The following TCF4 variants were observed in gnomAD, a reference collection of about 807,000 sequenced individuals.
TCF4 encodes SL3-3 enhancer factor 2.
A neutral mutation model predicts 82.1 loss-of-function variants in TCF4; 3 were observed. The ratio of observed to expected loss-of-function variants is 0.04; its 90% confidence interval spans 0.02 to 0.09. The LOEUF is 0.09. Ranked by LOEUF, TCF4 falls within the 10% of genes least tolerant of loss-of-function variation. TCF4 has a pLI of 1.00. For missense variants in TCF4, 518 were observed against 852.7 expected (o/e 0.61, Z 4.89); for synonymous variants, 276 against 309.6 (o/e 0.89, Z 1.14).
intron 8 of TCF4, among the ~76,000 whole-genome samples, chr18:55,296,927 C>T (rs1320441990): frequency 6.6e-6 from 1 of 152,100 alleles, no homozygotes; most frequent in Non-Finnish European, 1.5e-5. Context: ...CCAAGCCATG[C>T]TTTGTGTTTG....
At position 55,316,023 on chromosome 18, in the gene TCF4, T is replaced by C. The variant is rs78678983; in HGVS notation, c.549+34336A>G. Among the ~76,000 whole-genome samples, 926 of 152,234 alleles carry C rather than the reference T, an allele frequency of 6.1e-3. 11 individuals are homozygous for C. The highest frequency in any genetic ancestry group is 0.021 in the African/African-American group (888 of 41,546). ...TTATGTTTGAAGTATTAAGGGCTAA[T>C]AAAGTGCAATTAAACATATAAAAAC... On this transcript the variant is annotated intron_variant, in intron 8 of 19. Transcript: ENST00000354452.
intron 5 of TCF4, among the ~76,000 whole-genome samples, chr18:55,434,671 C>T (rs2095287022): frequency 6.6e-6 from 1 of 151,368 alleles, no homozygotes; most frequent in African/African-American, 2.4e-5. Context: ...TCATGATCTG[C>T]CCGCCTTGGC....
At chr18:55,543,875 C>T (rs912301439) in intron 3 of TCF4, among the ~76,000 whole-genome samples, 1 of 152,052 alleles carries the variant, frequency 6.6e-6, no homozygotes, top group Non-Finnish European at 1.5e-5. Context: ...CCATGGCATT[C>T]GGCAAAATTA....
intron 5 of TCF4, among the ~76,000 whole-genome samples, chr18:55,429,764 CAAAAA>C (rs35255242): frequency 5.2e-5 from 3 of 57,176 alleles, no homozygotes; most frequent in East Asian, 5.5e-4. Context: ...GACTCCATCT[CAAAAA>C]AAAAAAAAAA....
At chr18:55,601,033 C>A (rs2097696318) in intron 2 of TCF4, among the ~76,000 whole-genome samples, 1 of 152,098 alleles carries the variant, frequency 6.6e-6, no homozygotes, top group South Asian at 2.1e-4. Context: ...AGAACAATCA[C>A]CCTCAGATAC....
intron 6 of TCF4, among the ~76,000 whole-genome samples, chr18:55,390,096 C>T (rs1409454640): frequency 6.6e-6 from 1 of 151,684 alleles, no homozygotes; most frequent in Non-Finnish European, 1.5e-5. Context: ...TGGTAATTGC[C>T]AAATTTTACT....
chr18:55,301,692 T>C (rs1198610284), intron 8 of TCF4, among the ~76,000 whole-genome samples: 1 of 149,250 alleles, frequency 6.7e-6, no homozygotes, highest in Non-Finnish European at 1.5e-5. Context: ...ACACTTTAAA[T>C]TATAAAAGGG....
intron 12 of TCF4, 191 bp downstream of exon 12, chr18:55,261,271 TGAGA>T (rs2058029931): frequency 4.5e-6 from 3 of 671,352 alleles, no homozygotes; most frequent in Non-Finnish European, 8.0e-6. Flanking sequence ...ATTTTGAGGA[TGAGA>T]GAAAGAGACT....
chr18:55,538,172 T>G (rs2097135582), intron 3 of TCF4, among the ~76,000 whole-genome samples: 1 of 152,230 alleles, frequency 6.6e-6, no homozygotes, highest in Non-Finnish European at 1.5e-5. Flanking sequence ...TGCTATCATT[T>G]GCCTCTGCTT....
chr18:55,505,803 C>CAAA (rs35471663), intron 3 of TCF4, among the ~76,000 whole-genome samples: 3 of 83,074 alleles, frequency 3.6e-5, no homozygotes, highest in Non-Finnish European at 7.2e-5. Context: ...GACTCCGTCT[C>CAAA]AAAAAAAAAA....
At position 55,259,638 on chromosome 18, in the gene TCF4, G is replaced by A. The variant is rs975509102; in HGVS notation, c.1069+311C>T. 41 of 287,684 alleles carry A rather than the reference G, an allele frequency of 1.4e-4. No homozygotes were observed. The South Asian group carries it at 1.8e-3, about 13-fold the overall frequency. 17.8% of individuals were successfully genotyped at this position (287,684 alleles called of 1,614,324 possible). ...TAACTGAGTTTTTTTCATCTGAGAC[G>A]TTTTATTGGAATACATTATTCTGCC... On this transcript the variant is annotated intron_variant, in intron 13 of 19. Transcript: ENST00000354452.
chr18:55,582,313 CTTTG>C (rs2097583551), intron 3 of TCF4, among the ~76,000 whole-genome samples: 1 of 152,038 alleles, frequency 6.6e-6, no homozygotes, highest in African/African-American at 2.4e-5. Flanking sequence ...TATTAAATCC[CTTTG>C]TTTAAGTTAC....
chr18:55,229,143 T>C lies in TCF4; in HGVS notation c.1650-67A>G, dbSNP rs1031374204. On this transcript the variant is annotated intron_variant, in intron 17 of 19. Coordinates refer to ENST00000354452, the MANE Select transcript of TCF4 (RefSeq NM_001083962.2). Reference sequence around the variant, plus strand: ...GAAAAAGAAGGTGTCTACATTACTTTGTTTTCTTCCAGAGTTTTCAGGGAA... The same window carrying C: ...GAAAAAGAAGGTGTCTACATTACTTCGTTTTCTTCCAGAGTTTTCAGGGAA... 18 of 1,571,072 alleles carry C rather than the reference T, an allele frequency of 1.1e-5. No homozygotes were observed. The African/African-American group carries it at 1.2e-4, about 11-fold the overall frequency.
intron 3 of TCF4, among the ~76,000 whole-genome samples, chr18:55,478,594 C>A (rs1016599897): frequency 6.6e-6 from 1 of 152,064 alleles, no homozygotes; most frequent in Non-Finnish European, 1.5e-5. Context: ...AAGAAACCTA[C>A]AGAAAAGAAA....
intron 3 of TCF4, among the ~76,000 whole-genome samples, chr18:55,522,940 T>C (rs1406857164): frequency 6.6e-6 from 1 of 152,066 alleles, no homozygotes; most frequent in Non-Finnish European, 1.5e-5. Context: ...TACTGAGAAA[T>C]TCCTAAAATA....
At chr18:55,361,265 C>T (rs541514892) in intron 6 of TCF4, among the ~76,000 whole-genome samples, 2 of 152,196 alleles carry the variant, frequency 1.3e-5, no homozygotes, top group African/African-American at 4.8e-5. Flanking sequence ...CCCCCAGCTC[C>T]ACCCATAGCC....
At chr18:55,401,624 G>A (rs1249732159) in intron 6 of TCF4, 3 of 989,048 alleles carry the variant, frequency 3.0e-6, no homozygotes, top group Non-Finnish European at 3.6e-6. Context: ...TTTCACCCGA[G>A]GGAAGTATTC....
intron 8 of TCF4, among the ~76,000 whole-genome samples, chr18:55,308,041 T>C: frequency 6.6e-6 from 1 of 152,212 alleles, no homozygotes; most frequent in Non-Finnish European, 1.5e-5. Flanking sequence ...ATGAACATGG[T>C]CTTCAGCACT....
Position 55,586,135 on chromosome 18 carries a change from A to AAGGAGGAGG in TCF4, c.73-792_73-784dup, listed in dbSNP as rs1200526242. The AAGGAGGAGG allele has an allele frequency of 2.5e-5, 32 of 1,297,786 alleles. 2 individuals carry two copies. Among genetic ancestry groups the AAGGAGGAGG allele is most frequent in the African/African-American group, 3.2e-5 (2 of 63,480 alleles). The allele number at this position is 1,297,786 out of a possible 1,614,324, so 80.4% of individuals were successfully genotyped here. ...TCTAGAAGAGGAGGAGGAGGAGGAGAAGGAGGAGGAGGAGGAGGAGCAGCA... is the reference window on the plus strand; with the variant it reads ...TCTAGAAGAGGAGGAGGAGGAGGAGAAGGAGGAGGAGGAGGAGGAGGAGGAGGAGCAGCA... On this transcript the variant is annotated intron_variant, in intron 2 of 19. Transcript: ENST00000354452.
Sources: allele counts gnomAD v4.1 joint callset (sites outside exome capture counted in the v4.1 genomes callset), GRCh38; gene constraint gnomAD v4.1.1; transcripts MANE v1.5; gene names NCBI Gene and HGNC (gene_info 2026-07-23, HGNC 2026-07-21).